Variants in RNF24 observed in about 807,000 individuals in gnomAD.
RNF24 encodes ring finger protein 24.
RNF24 carries 14 observed loss-of-function variants against 20.0 expected under a neutral mutation model. That is an observed-to-expected ratio of 0.70 (90% CI 0.46 to 1.10). The LOEUF is 1.10. Among genes scored for constraint, RNF24 ranks in the 50% least tolerant of loss-of-function variants. The probability of loss-of-function intolerance (pLI) is 0.00; values close to 1 mark genes in which losing one functional copy is unlikely to be tolerated. For synonymous variants in RNF24, 45 were observed against 61.1 expected, an observed-to-expected ratio of 0.74 and a Z score of 1.23; for missense variants, 124 against 177.6, an observed-to-expected ratio of 0.70 and a Z score of 1.71.
At chr20:3,963,554 A>G (rs543964695) in intron 2 of RNF24, among the ~76,000 whole-genome samples, 1 of 152,340 alleles carries the variant, frequency 6.6e-6, no homozygotes, top group South Asian at 2.1e-4. Context: ...TTGAAAAGCA[A>G]TTTTGAAATC....
rs1489698872 is a variant in RNF24, at chr20:3,928,025, A to G, written c.*6038T>C. The stretch of plus-strand genomic sequence containing the variant: ...CTTTTTCTTCTGATATCCCCACTCA[A>G]ATGGAAGCACACTCCCCAGCACATG... On this transcript the variant is annotated 3_prime_UTR_variant, in exon 6 of 6. Coordinates refer to ENST00000358395, the MANE Select transcript of RNF24 (RefSeq NM_001134337.3). The G allele has an allele frequency of 6.6e-6, 1 of 152,118 alleles. No individual in the cohort carries two copies. The highest frequency in any genetic ancestry group is 2.4e-5 in the African/African-American group (1 of 41,400). 9.4% of individuals were successfully genotyped at this position (152,118 alleles called of 1,614,324 possible). A position where few individuals can be genotyped will look rare whatever the true frequency, so the allele number is the denominator to read the frequency against.
chr20:4,007,747 AAAAAAAAAAAG>A (rs1981996985), intron 1 of RNF24, among the ~76,000 whole-genome samples: 1 of 150,642 alleles, frequency 6.6e-6, no homozygotes, highest in African/African-American at 2.4e-5. Context: ...ACAAAAAAAA[AAAAAAAAAAAG>A]AAAAAAAATT....
At chr20:3,989,678 T>C (rs1407478719) in intron 1 of RNF24, among the ~76,000 whole-genome samples, 1 of 152,156 alleles carries the variant, frequency 6.6e-6, no homozygotes, top group Non-Finnish European at 1.5e-5. Flanking sequence ...GACTAAAACT[T>C]GTCAGCGAGC....
chr20:4,002,303 G>A (rs889038281), intron 1 of RNF24, among the ~76,000 whole-genome samples: 2 of 151,966 alleles, frequency 1.3e-5, no homozygotes, highest in Non-Finnish European at 2.9e-5. Context: ...GGAGAATGGC[G>A]TGAACCCAGG....
intron 2 of RNF24, among the ~76,000 whole-genome samples, chr20:3,949,889 G>A (rs1420292985): frequency 6.6e-6 from 1 of 152,026 alleles, no homozygotes; most frequent in Admixed American, 6.6e-5. Context: ...ATATTCTCCT[G>A]AGTATGTTGT....
chr20:3,961,491 T>A (rs2146985355), intron 2 of RNF24, among the ~76,000 whole-genome samples: 1 of 152,184 alleles, frequency 6.6e-6, no homozygotes, highest in East Asian at 1.9e-4. Flanking sequence ...TTAAAAGGAA[T>A]ACAATGAGGT....
chr20:3,977,171 G>T (rs6107382), intron 1 of RNF24, among the ~76,000 whole-genome samples: 1,550 of 152,174 alleles, frequency 0.01, 17 homozygotes, highest in African/African-American at 0.035. Flanking sequence ...CTTTATATAG[G>T]TACGTAATCA....
At chr20:3,989,654 G>T (rs1980257656) in intron 1 of RNF24, among the ~76,000 whole-genome samples, 1 of 152,116 alleles carries the variant, frequency 6.6e-6, no homozygotes, top group South Asian at 2.1e-4. Flanking sequence ...GTTTTGTTGT[G>T]GGTAGAGTCA....
In RNF24 at chr20:3,934,576, G is replaced by A. The variant is rs925874653; in HGVS notation, c.309-375C>T. The stretch of plus-strand genomic sequence containing the variant: ...AAATACAAAACAAAAAATTATAAGA[G>A]GAAGAATATTAATATGTCTGCAGGA... On this transcript the variant is annotated intron_variant, in intron 5 of 5. Transcript: ENST00000358395. The surrounding 1 kb of genome is among the most constrained non-coding windows in gnomAD (Gnocchi z 4.0). Among the ~76,000 whole-genome samples, 1 of 152,166 alleles carries A rather than the reference G, an allele frequency of 6.6e-6. No homozygotes were observed. The highest frequency in any genetic ancestry group is 2.4e-5 in the African/African-American group (1 of 41,432).
intron 1 of RNF24, among the ~76,000 whole-genome samples, chr20:3,970,326 C>T (rs545411027): frequency 1.3e-5 from 2 of 152,150 alleles, no homozygotes; most frequent in Admixed American, 1.3e-4. Flanking sequence ...AGCATTACAA[C>T]CCACCGTTTC....
chr20:3,963,499 A>G (rs887360883), intron 2 of RNF24, among the ~76,000 whole-genome samples: 9 of 152,122 alleles, frequency 5.9e-5, no homozygotes, highest in Non-Finnish European at 1.2e-4. Flanking sequence ...AGCCTTCCCT[A>G]CTTTTCTGAT....
At chr20:3,946,061 C>T (rs965374277) in intron 3 of RNF24, among the ~76,000 whole-genome samples, 1 of 152,192 alleles carries the variant, frequency 6.6e-6, no homozygotes, top group East Asian at 1.9e-4. Flanking sequence ...ATCAAATTTA[C>T]TGTATGTCTT....
chr20:4,005,285 T>C (rs1397456760), intron 1 of RNF24, among the ~76,000 whole-genome samples: 2 of 152,200 alleles, frequency 1.3e-5, no homozygotes, highest in Non-Finnish European at 2.9e-5. Flanking sequence ...TTAACCAATA[T>C]GAAAGATGAT....
intron 1 of RNF24, among the ~76,000 whole-genome samples, chr20:4,002,212 C>T (rs1354917678): frequency 2.0e-5 from 3 of 151,896 alleles, no homozygotes; most frequent in East Asian, 1.9e-4. Context: ...AGTGAAACCC[C>T]GTCTCTACTA....
chr20:4,008,398 G>A (rs893925279), intron 1 of RNF24, among the ~76,000 whole-genome samples: 139 of 9,466 alleles, frequency 0.015, 1 homozygote, highest in African/African-American at 0.039. Flanking sequence ...TATTATATAT[G>A]TAATATGTAT....
chr20:4,014,780 A>G (rs192577627), intron 1 of RNF24, among the ~76,000 whole-genome samples: 306 of 126,658 alleles, frequency 2.4e-3, no homozygotes, highest in Admixed American at 4.1e-3. Context: ...CACACACATC[A>G]TTAGGTCTCC....
At chr20:4,009,264 T>C (rs1377528574) in intron 1 of RNF24, among the ~76,000 whole-genome samples, 1 of 151,996 alleles carries the variant, frequency 6.6e-6, no homozygotes, top group Non-Finnish European at 1.5e-5. Context: ...TGTAGGTAAA[T>C]AGAAAGGGAT....
chr20:3,985,699 A>ATTTTT (rs76466197), intron 1 of RNF24, among the ~76,000 whole-genome samples: 1 of 131,238 alleles, frequency 7.6e-6, no homozygotes, highest in African/African-American at 2.8e-5. Flanking sequence ...ATTCCTAGTA[A>ATTTTT]TTTTTTTTTT....
intron 1 of RNF24, among the ~76,000 whole-genome samples, chr20:3,978,109 G>A (rs1425885556): frequency 6.8e-5 from 10 of 147,390 alleles, no homozygotes; most frequent in Admixed American, 1.4e-4. Flanking sequence ...TCACTCTCTC[G>A]CCCAGGCTAG....
Sources: gnomAD v4.1 joint callset for allele counts (sites outside exome capture counted in the v4.1 genomes callset) on GRCh38, gnomAD v4.1.1 for gene constraint, Gnocchi (gnomAD v3.1) non-coding constraint, MANE v1.5 for transcripts, NCBI Gene and HGNC (gene_info 2026-07-23, HGNC 2026-07-21) for gene names.